The following PTPRN variants were observed in gnomAD, a reference collection of about 807,000 sequenced individuals.
PTPRN encodes protein tyrosine phosphatase receptor type N.
Under a neutral mutation model 108.5 loss-of-function variants are expected in PTPRN, and 70 were observed. The observed-to-expected ratio is 0.65, with a 90% confidence interval of 0.53 to 0.79. The LOEUF is 0.79. PTPRN is among the 30% of genes least tolerant of loss of function. The pLI is 0.00. For synonymous variants in PTPRN, 496 were observed against 524.6 expected (o/e 0.95, Z 0.75); for missense variants, 1,136 against 1,295.5 (o/e 0.88, Z 1.89).
At chr2:219,293,000 G>T (rs1261596566) in intron 19 of PTPRN, 1 of 152,060 alleles carries the variant, frequency 6.6e-6, no homozygotes, top group East Asian at 1.9e-4. Context: ...CACAAAACCG[G>T]TCCCTTGTGC....
chr2:219,294,993 G>A lies in PTPRN; in HGVS notation c.2657C>T (p.Pro886Leu). The change falls in exon 19 of 23, where the codon CCC becomes CTC. Residue 886 changes from proline (P) to leucine (L), a missense_variant. Coordinates refer to ENST00000295718, the MANE Select transcript of PTPRN (RefSeq NM_002846.4). ...CGCTCACCTGCGGAAGTCCAGCAGG[G>A]GCCGCGTGGAGGCCGGTGTGCCCTC... ...PAEGTPASTR[P>L]LLDFRRKVNK... 6.3e-7 allele frequency: 1 copy of A among 1,599,570 alleles called. No individual in the cohort carries two copies. Among genetic ancestry groups the A allele is most frequent in the Admixed American group, 1.7e-5 (1 of 58,548 alleles).
Position 219,289,702 on chromosome 2 carries a change from AG to A in PTPRN, c.*523del, listed in dbSNP as rs1412729481. ...TTTTCTAGAAATGTTCTCTTGCGCCAGAAGGAGAGAGGTTGAGCAGCGCATG... is the reference window on the plus strand; with the variant it reads ...TTTTCTAGAAATGTTCTCTTGCGCCAAAGGAGAGAGGTTGAGCAGCGCATG... On this transcript the variant is annotated 3_prime_UTR_variant, in exon 23 of 23. Transcript: ENST00000295718. The A allele has an allele frequency of 6.4e-6, 1 of 157,112 alleles. No homozygotes were observed. The highest frequency in any genetic ancestry group is 1.4e-5 in the Non-Finnish European group (1 of 70,914). 9.7% of individuals were successfully genotyped at this position (157,112 alleles called of 1,614,324 possible). A position where few individuals can be genotyped will look rare whatever the true frequency, so the allele number is the denominator to read the frequency against.
In PTPRN at chr2:219,296,004, A is replaced by ACACACG; in HGVS notation, c.2508+221_2508+222insCGTGTG. ...CACACACACACACACACACACACAC[A>ACACACG]TGTATGTTCTGTAAACAGGACACAC... is the stretch of plus-strand genomic sequence containing the variant. On this transcript the variant is annotated intron_variant, in intron 18 of 22. Coordinates refer to ENST00000295718, the MANE Select transcript of PTPRN (RefSeq NM_002846.4). This position sits in a 1 kb window ranked among gnomAD's most constrained non-coding sequence, Gnocchi z 6.0. The ACACACG allele has an allele frequency of 3.4e-6, 2 of 581,304 alleles. No homozygotes were observed. Among genetic ancestry groups the ACACACG allele is most frequent in the Non-Finnish European group, 5.8e-6 (2 of 343,572 alleles). The allele number at this position is 581,304 out of a possible 1,614,324, so 36.0% of individuals were successfully genotyped here. A position where few individuals can be genotyped will look rare whatever the true frequency, so the allele number is the denominator to read the frequency against.
chr2:219,297,995 C>G lies in PTPRN; in HGVS notation c.1777G>C (p.Ala593Pro). Residue 593 changes from alanine (A) to proline (P), a missense_variant, in exon 13 of 23, where the codon GCT becomes CCT. Physicochemically the swap from Ala to Pro is conservative, Grantham distance 27. Transcript: ENST00000295718. This position sits in a 1 kb window ranked among gnomAD's most constrained non-coding sequence, Gnocchi z 6.0. ...CGCACACACAGAGCCACAGCCAGAGCCACCAGCAGCCCAGCCACACCTGCC... is the reference window on the plus strand; with the variant it reads ...CGCACACACAGAGCCACAGCCAGAGGCACCAGCAGCCCAGCCACACCTGCC... ...ALAGVAGLLVALAVALCVRQH... is the reference protein window; with the variant it reads ...ALAGVAGLLVPLAVALCVRQH... 1 of 1,613,882 alleles carries G rather than the reference C, an allele frequency of 6.2e-7. No homozygotes were observed. Among genetic ancestry groups the G allele is most frequent in the Non-Finnish European group, 8.5e-7 (1 of 1,179,968 alleles).
At position 219,296,476 on chromosome 2, in the gene PTPRN, T is replaced by C. The variant is rs1226336834; in HGVS notation, c.2351A>G (p.Gln784Arg). 6.2e-7 allele frequency: 1 copy of C among 1,614,168 alleles called. No homozygotes were observed. The highest frequency in any genetic ancestry group is 1.1e-5 in the South Asian group (1 of 91,082). The change falls in exon 17 of 23, where the codon CAG (glutamine) becomes CGG (arginine). Residue 784 changes from glutamine to arginine, a missense_variant. Physicochemically the swap from Gln to Arg is conservative, Grantham distance 43 (BLOSUM62 1). Transcript: ENST00000295718. This position sits in a 1 kb window ranked among gnomAD's most constrained non-coding sequence, Gnocchi z 6.0. The part of the protein sequence containing the change: ...DPRMPAYIAT[Q>R]GPLSHTIADF... ...TGCGATGGTATGGGACAGCGGGCCC[T>C]GCGTGGCTATGTAGGCTGGCATCCG... is the stretch of plus-strand genomic sequence containing the variant.
chr2:219,302,288 C>A lies in PTPRN; in HGVS notation c.843G>T (p.Leu281=), dbSNP rs749881869. Residue 281 remains leucine, a synonymous_variant, in exon 6 of 23, where the codon CTG becomes CTT. Coordinates refer to ENST00000295718, the MANE Select transcript of PTPRN (RefSeq NM_002846.4). ...TGCTGGGTGCTGGCAACTCCTGGGC[C>A]AGATAGAGCAGCCCAGAGTCTTGAA... ...QLFQDSGLLY[L]AQELPAPSRA... is the part of the protein sequence containing the mutation. 3.7e-6 allele frequency: 6 copies of A among 1,614,134 alleles called. No individual in the cohort carries two copies. The highest frequency in any genetic ancestry group is 4.2e-6 in the Non-Finnish European group (5 of 1,179,988).
chr2:219,307,766 G>C (rs1361466425), intron 2 of PTPRN, 26 bp downstream of exon 2: 1 of 1,612,372 alleles, frequency 6.2e-7, no homozygotes, highest in Non-Finnish European at 8.5e-7. Context: ...CCGATCTTGT[G>C]AGTTCTATGC....
At position 219,303,893 on chromosome 2, in the gene PTPRN, A is replaced by T. The variant is rs1024900336; in HGVS notation, c.281-62T>A. On this transcript the variant is annotated intron_variant, in intron 3 of 22. Coordinates refer to ENST00000295718, the MANE Select transcript of PTPRN (RefSeq NM_002846.4). ...GTCTGGGGATCCAGTAACGGGGACC[A>T]CTGGGGATCAGAACTGTACCCTCTG... 2.3e-6 allele frequency: 3 copies of T among 1,323,100 alleles called. No homozygotes were observed. The African/African-American group carries it at 4.4e-5, about 19-fold the overall frequency. 82.0% of individuals were successfully genotyped at this position (1,323,100 alleles called of 1,614,324 possible). A position where few individuals can be genotyped will look rare whatever the true frequency, so the allele number is the denominator to read the frequency against.
chr2:219,308,903 G>C lies in PTPRN; in HGVS notation c.115+315C>G, dbSNP rs577581780. 78 of 1,372,826 alleles carry C rather than the reference G, an allele frequency of 5.7e-5. No individual in the cohort carries two copies. In the East Asian group the frequency reaches 2.8e-3, roughly 49 times the overall value. 85.0% of individuals were successfully genotyped at this position (1,372,826 alleles called of 1,614,324 possible). ...CCACCTCCCAGGCGCCTCGGAGCAAGTGGCTTCTCCTGTGGTCTCGCAGCC... is the reference window on the plus strand; with the variant it reads ...CCACCTCCCAGGCGCCTCGGAGCAACTGGCTTCTCCTGTGGTCTCGCAGCC... On this transcript the variant is annotated intron_variant, in intron 1 of 22. Coordinates refer to ENST00000295718, the MANE Select transcript of PTPRN (RefSeq NM_002846.4).
At position 219,296,928 on chromosome 2, in the gene PTPRN, T is replaced by A. The variant is rs576023506; in HGVS notation, c.2236+57A>T. 84 of 1,612,164 alleles carry A rather than the reference T, an allele frequency of 5.2e-5. No homozygotes were observed. In the African/African-American group the frequency reaches 1.1e-3, roughly 21 times the overall value. ...AAGCCCAACCCCTTACCCCAAGCCC[T>A]CCAGACCTCGCAGCAGAGAGAGGGC... On this transcript the variant is annotated intron_variant, in intron 15 of 22. Coordinates refer to ENST00000295718, the MANE Select transcript of PTPRN (RefSeq NM_002846.4). The surrounding 1 kb of genome is among the most constrained non-coding windows in gnomAD (Gnocchi z 6.0).
chr2:219,299,727 A>C lies in PTPRN; in HGVS notation c.1496T>G (p.Met499Arg). The C allele has an allele frequency of 6.2e-7, 1 of 1,608,100 alleles. No homozygotes were observed. The highest frequency in any genetic ancestry group is 8.5e-7 in the Non-Finnish European group (1 of 1,175,350). Residue 499 changes from methionine to arginine, a missense_variant, in exon 10 of 23, where the codon ATG becomes AGG. Physicochemically the swap from Met to Arg is moderately conservative, Grantham distance 91 (BLOSUM62 -1). Coordinates refer to ENST00000295718, the MANE Select transcript of PTPRN (RefSeq NM_002846.4). ...GATGTTGATGAAGCTGCCTGAGGAC[A>C]TGTGCACATGCTCAGCCAGGATCTC... ...LLEILAEHVH[M>R]SSGSFINISV...
intron 3 of PTPRN, among the ~76,000 whole-genome samples, chr2:219,306,396 T>G (rs1191482640): frequency 6.6e-6 from 1 of 152,128 alleles, no homozygotes; most frequent in East Asian, 1.9e-4. Flanking sequence ...ATTAGAGAAG[T>G]GAAGAAACAA....
intron 19 of PTPRN, chr2:219,291,961 C>T (rs1215383441): frequency 4.6e-5 from 9 of 194,190 alleles, no homozygotes; most frequent in Non-Finnish European, 1.1e-5. Flanking sequence ...TTAAGAGACA[C>T]TTCTGCCCAA....
intron 19 of PTPRN, 137 bp downstream of exon 19, chr2:219,294,838 G>T (rs1952142054): frequency 2.2e-6 from 2 of 890,554 alleles, no homozygotes; most frequent in Non-Finnish European, 3.1e-6. Flanking sequence ...GGGTGGGAGC[G>T]TGGGGTCTGG....
intron 4 of PTPRN, among the ~76,000 whole-genome samples, chr2:219,303,077 CT>C (rs1287965570): frequency 3.9e-5 from 6 of 152,190 alleles, no homozygotes; most frequent in Non-Finnish European, 5.9e-5. Context: ...TCTGAAACAA[CT>C]GCAAAGGCTG....
At chr2:219,309,187 C>T (rs1312933012) in intron 1 of PTPRN, 31 bp downstream of exon 1, 12 of 1,374,222 alleles carry the variant, frequency 8.7e-6, no homozygotes, top group South Asian at 1.2e-5. Flanking sequence ...CCCCGCCCCC[C>T]ACCACCCGCC....
intron 3 of PTPRN, among the ~76,000 whole-genome samples, chr2:219,305,497 T>G (rs56264710): frequency 0.079 from 11,987 of 152,170 alleles, 574 homozygotes; most frequent in South Asian, 0.12. Context: ...TGCCCCAGCC[T>G]CCTAAAGTAT....
rs1280900226 is a variant in PTPRN at position 219,300,152 on chromosome 2, C to T, written c.1269G>A (p.Gln423=). ...GCTCAGAGGAGACAGGGCTTGGCACCTGCTGGACTTCACTGGAGGTAGGGC... is the reference window on the plus strand; with the variant it reads ...GCTCAGAGGAGACAGGGCTTGGCACTTGCTGGACTTCACTGGAGGTAGGGC... ...TASPTSSEVQ[Q]VPSPVSSEPP... Residue 423 remains glutamine, a synonymous_variant, in exon 9 of 23, where the codon CAG becomes CAA. Transcript: ENST00000295718. The T allele has an allele frequency of 6.2e-7, 1 of 1,613,750 alleles. No individual in the cohort carries two copies. Among genetic ancestry groups the T allele is most frequent in the African/African-American group, 1.3e-5 (1 of 74,928 alleles).
chr2:219,300,502 C>G (rs1342957762), intron 8 of PTPRN: 1 of 488,286 alleles, frequency 2.0e-6, no homozygotes, highest in African/African-American at 2.0e-5. Flanking sequence ...GGGCTGGAGA[C>G]AGAAAACCCC....
Sources: allele counts gnomAD v4.1 joint callset (sites outside exome capture counted in the v4.1 genomes callset), GRCh38; gene constraint gnomAD v4.1.1; non-coding constraint Gnocchi (gnomAD v3.1); transcripts MANE v1.5; gene names NCBI Gene and HGNC (gene_info 2026-07-23, HGNC 2026-07-21).